Variants in MYRFL observed in about 807,000 individuals in gnomAD.
MYRFL encodes myelin regulatory factor like, also known as myelin regulatory factor-like protein.
In MYRFL, 88 loss-of-function variants were observed where a neutral mutation model predicts 109.4. The ratio of observed to expected loss-of-function variants is 0.80; its 90% CI spans 0.68 to 0.96. The LOEUF is 0.96. Ranked by LOEUF, MYRFL falls within the 40% of genes least tolerant of loss-of-function variation. The pLI is 0.00. For synonymous variants in MYRFL, 324 were observed against 320.9 expected (o/e 1.01, Z -0.10); for missense variants, 957 against 954.9 (o/e 1.00, Z -0.03).
Position 69,944,695 on chromosome 12 carries a change from A to T in MYRFL, c.2225-7418A>T, listed in dbSNP as rs557869013. On this transcript the variant is annotated intron_variant, in intron 19 of 24. Coordinates refer to ENST00000552032, the MANE Select transcript of MYRFL (RefSeq NM_182530.3). ...AACTTAAAGTATAATAATAAAAGAA[A>T]AAAAAAGAAAAGACAAATATTTAAA... Among the ~76,000 whole-genome samples, 323 of 152,218 alleles carry T rather than the reference A, an allele frequency of 2.1e-3. 3 individuals are homozygous for T. Among genetic ancestry groups the T allele is most frequent in the African/African-American group, 7.3e-3 (302 of 41,504 alleles).
chr12:69,851,722 G>A (rs187056600), intron 1 of MYRFL, among the ~76,000 whole-genome samples: 19 of 152,274 alleles, frequency 1.2e-4, no homozygotes, highest in African/African-American at 2.9e-4. Context: ...GCAGTGGTGC[G>A]ATCATGGCTC....
rs184697151 is a variant in MYRFL at position 69,930,950 on chromosome 12, G to A, written c.1831-1563G>A. Among the ~76,000 whole-genome samples the A allele has an allele frequency of 4.1e-3, 618 of 152,038 alleles. 9 individuals are homozygous for A. The highest frequency in any genetic ancestry group is 0.014 in the African/African-American group (568 of 41,450). On this transcript the variant is annotated intron_variant, in intron 15 of 24. Coordinates refer to ENST00000552032, the MANE Select transcript of MYRFL (RefSeq NM_182530.3). ...TGTAGGGCATTTAGGGTTTTCTCAA[G>A]CACCATAGTAATTCTATGCACACCT...
intron 2 of MYRFL, among the ~76,000 whole-genome samples, chr12:69,855,870 C>T (rs772484088): frequency 2.0e-5 from 3 of 150,660 alleles, no homozygotes; most frequent in Non-Finnish European, 4.4e-5. Flanking sequence ...AGTTAAAATT[C>T]TTACTTTTTG....
At chr12:69,884,398 C>T (rs1358387930) in intron 5 of MYRFL, among the ~76,000 whole-genome samples, 1 of 152,206 alleles carries the variant, frequency 6.6e-6, no homozygotes, top group Non-Finnish European at 1.5e-5. Flanking sequence ...CCCAGGGAAG[C>T]CACAACTGTG....
chr12:69,893,506 G>A (rs1438543848), intron 7 of MYRFL, among the ~76,000 whole-genome samples: 4 of 152,118 alleles, frequency 2.6e-5, no homozygotes, highest in African/African-American at 7.2e-5. Context: ...AGCCCTCTCT[G>A]TATTCACTGC....
At chr12:69,892,666 A>AAAAAC (rs1333676478) in intron 7 of MYRFL, among the ~76,000 whole-genome samples, 4 of 152,240 alleles carry the variant, frequency 2.6e-5, no homozygotes, top group Non-Finnish European at 5.9e-5. Flanking sequence ...CTGAGCTCTT[A>AAAAAC]AAAACAAAAC....
intron 6 of MYRFL, among the ~76,000 whole-genome samples, chr12:69,889,668 A>G (rs1237225240): frequency 6.6e-6 from 1 of 152,196 alleles, no homozygotes; most frequent in Non-Finnish European, 1.5e-5. Flanking sequence ...AGTCTGGCCA[A>G]CATGGCGAAA....
intron 23 of MYRFL, 27 bp downstream of exon 23, chr12:69,957,969 C>T (rs1296215953): frequency 1.3e-6 from 2 of 1,522,762 alleles, no homozygotes; most frequent in East Asian, 4.9e-5. Flanking sequence ...CCTCTCTTCC[C>T]CGCTGAGAGA....
At chr12:69,935,473 G>A (rs374539226) in intron 16 of MYRFL, among the ~76,000 whole-genome samples, 46 of 152,302 alleles carry the variant, frequency 3.0e-4, no homozygotes, top group African/African-American at 1.0e-3. Context: ...AACTCTTAAG[G>A]AAAGCTTCCA....
intron 19 of MYRFL, among the ~76,000 whole-genome samples, chr12:69,940,792 T>A (rs1170985885): frequency 4.1e-4 from 57 of 139,168 alleles, no homozygotes; most frequent in African/African-American, 1.4e-3. Flanking sequence ...GAAACCCATC[T>A]CATGTGCAGA....
intron 2 of MYRFL, among the ~76,000 whole-genome samples, chr12:69,876,470 A>T (rs1013907070): frequency 5.9e-5 from 9 of 151,466 alleles, no homozygotes; most frequent in Admixed American, 5.9e-4. Context: ...TCATATAAGA[A>T]GGGGGAAAAA....
At chr12:69,890,732 CA>C (rs1384073768) in intron 6 of MYRFL, among the ~76,000 whole-genome samples, 1 of 151,658 alleles carries the variant, frequency 6.6e-6, no homozygotes, top group East Asian at 1.9e-4. Flanking sequence ...AAGACTGTCT[CA>C]AAAAAAGAAA....
Position 69,910,019 on chromosome 12 carries a change from A to C in MYRFL, c.1434A>C (p.Glu478Asp), listed in dbSNP as rs1046114276. 3.3e-6 allele frequency: 5 copies of C among 1,535,128 alleles called. No homozygotes were observed. The highest frequency in any genetic ancestry group is 4.4e-6 in the Non-Finnish European group (5 of 1,146,546). The change falls in exon 12 of 25, where the codon GAA becomes GAC. Residue 478 changes from glutamate to aspartate, a missense_variant. Transcript: ENST00000552032. ...LKRIAQMRIVEYDYKPEFASA... is the reference protein window; with the variant it reads ...LKRIAQMRIVDYDYKPEFASA... ...GAATAGCCCAAATGAGAATTGTTGAATATGACTACAAACCTGAATTTGCAT... is the reference window on the plus strand; with the variant it reads ...GAATAGCCCAAATGAGAATTGTTGACTATGACTACAAACCTGAATTTGCAT...
chr12:69,841,565 C>T (rs2136316784), intron 1 of MYRFL, among the ~76,000 whole-genome samples: 1 of 152,266 alleles, frequency 6.6e-6, no homozygotes, highest in East Asian at 1.9e-4. Context: ...CAACCTGGCT[C>T]CAGCACATTG....
At chr12:69,927,801 C>A in intron 15 of MYRFL, 53 bp downstream of exon 15, 1 of 1,454,172 alleles carries the variant, frequency 6.9e-7, no homozygotes, top group Non-Finnish European at 9.2e-7. Flanking sequence ...CTTAAAAAGT[C>A]TTTAGAGAAA....
At chr12:69,900,473 A>G (rs761937449) in intron 10 of MYRFL, among the ~76,000 whole-genome samples, 5 of 152,210 alleles carry the variant, frequency 3.3e-5, no homozygotes, top group East Asian at 1.9e-4. Flanking sequence ...GTAAGAACAC[A>G]GATACCTGTG....
chr12:69,862,327 A>G (rs903887885), intron 2 of MYRFL, among the ~76,000 whole-genome samples: 3 of 151,592 alleles, frequency 2.0e-5, no homozygotes, highest in Non-Finnish European at 3.0e-5. Context: ...TGAATCTATA[A>G]ATTACCTTGG....
At chr12:69,854,967 A>G (rs920603559) in intron 1 of MYRFL, among the ~76,000 whole-genome samples, 2 of 152,212 alleles carry the variant, frequency 1.3e-5, no homozygotes, top group Non-Finnish European at 2.9e-5. Context: ...ATTTATTTTC[A>G]TTTTGTAAAC....
intron 1 of MYRFL, among the ~76,000 whole-genome samples, chr12:69,849,469 C>T (rs1439097344): frequency 6.6e-6 from 1 of 152,160 alleles, no homozygotes; most frequent in Non-Finnish European, 1.5e-5. Flanking sequence ...TGCATTTCAT[C>T]TCTATCAGAT....
Sources: allele counts gnomAD v4.1 joint callset (sites outside exome capture counted in the v4.1 genomes callset), GRCh38; gene constraint gnomAD v4.1.1; transcripts MANE v1.5; gene names NCBI Gene and HGNC (gene_info 2026-07-23, HGNC 2026-07-21).